The following CCDC102B variants were observed in gnomAD, a reference collection of about 807,000 sequenced individuals.
CCDC102B encodes coiled-coil domain-containing protein 102B.
Under a neutral mutation model 57.4 loss-of-function variants are expected in CCDC102B, and 75 were observed. The observed-to-expected ratio is 1.31, with a 90% confidence interval of 1.08 to 1.58. CCDC102B has a LOEUF of 1.58. Among genes scored for constraint, CCDC102B ranks in the 40% most tolerant of loss-of-function variants. The pLI is 0.00. For missense variants in CCDC102B, 636 were observed against 582.6 expected (o/e 1.09, Z -0.94); for synonymous variants, 206 against 201.9 (o/e 1.02, Z -0.17).
At chr18:68,943,410 T>C (rs1195522970) in intron 6 of CCDC102B, among the ~76,000 whole-genome samples, 1 of 152,148 alleles carries the variant, frequency 6.6e-6, no homozygotes, top group African/African-American at 2.4e-5. Context: ...ACTGGTCTAT[T>C]ATGGTACTTT....
At chr18:68,817,742 C>T (rs1304526361) in intron 1 of CCDC102B, among the ~76,000 whole-genome samples, 1 of 152,094 alleles carries the variant, frequency 6.6e-6, no homozygotes, top group Non-Finnish European at 1.5e-5. Context: ...ATTGATTACT[C>T]GGTCATGAGA....
intron 4 of CCDC102B, among the ~76,000 whole-genome samples, chr18:68,860,463 C>T (rs918920288): frequency 1.0e-5 from 1 of 97,280 alleles, no homozygotes; most frequent in Admixed American, 1.2e-4. Context: ...TAAAAAAAAA[C>T]AAAAACAAAA....
At chr18:68,765,180 T>C in intron 2 of CCDC102B, among the ~76,000 whole-genome samples, 1 of 149,232 alleles carries the variant, frequency 6.7e-6, no homozygotes, top group East Asian at 2.0e-4. Flanking sequence ...GCTATAATAG[T>C]GCCAACACAC....
At chr18:68,874,976 A>G in intron 5 of CCDC102B, 191 bp downstream of exon 5, 1 of 407,512 alleles carries the variant, frequency 2.5e-6, no homozygotes, top group Non-Finnish European at 4.5e-6. Flanking sequence ...CTAGATCTGA[A>G]CTATTTGAAT....
intron 1 of CCDC102B, among the ~76,000 whole-genome samples, chr18:68,805,404 G>A (rs560558019): frequency 6.6e-6 from 1 of 152,290 alleles, no homozygotes; most frequent in African/African-American, 2.4e-5. Flanking sequence ...CTGATCAAGA[G>A]TGTAGGTGCA....
intron 6 of CCDC102B, among the ~76,000 whole-genome samples, chr18:69,002,451 G>A (rs757900866): frequency 2.6e-5 from 4 of 152,082 alleles, no homozygotes; most frequent in Admixed American, 6.6e-5. Flanking sequence ...CAGGATGAGC[G>A]CCAAATGTTT....
rs551082568 is a variant in CCDC102B, at chr18:69,055,089, A to G, written c.*952A>G. On this transcript the variant is annotated 3_prime_UTR_variant, in exon 8 of 8. Coordinates refer to ENST00000360242, the MANE Select transcript of CCDC102B (RefSeq NM_024781.3). The stretch of plus-strand genomic sequence containing the variant: ...CAACTTGTAAGATTTAACTCAGTCA[A>G]TAACATACTGGTTTTACTCATCTCC... 10 of 983,298 alleles carry G rather than the reference A, an allele frequency of 1.0e-5. No homozygotes were observed. The African/African-American group carries it at 1.2e-4, about 12-fold the overall frequency. 60.9% of individuals were successfully genotyped at this position (983,298 alleles called of 1,614,324 possible).
At chr18:68,999,026 A>AAG (rs2051126157) in intron 6 of CCDC102B, among the ~76,000 whole-genome samples, 1 of 143,316 alleles carries the variant, frequency 7.0e-6, no homozygotes, top group African/African-American at 2.7e-5. Flanking sequence ...AGAGAGAGAG[A>AAG]GAGAGAGAGA....
At chr18:68,837,849 G>C (rs963892433) in intron 2 of CCDC102B, among the ~76,000 whole-genome samples, 10 of 152,086 alleles carry the variant, frequency 6.6e-5, no homozygotes, top group African/African-American at 2.2e-4. Flanking sequence ...AATACTTTCC[G>C]TGAACAACAC....
chr18:69,049,656 C>A (rs2052654881), intron 7 of CCDC102B, among the ~76,000 whole-genome samples: 1 of 152,118 alleles, frequency 6.6e-6, no homozygotes, highest in South Asian at 2.1e-4. Context: ...AAATAAAACA[C>A]TTCTTAAAAT....
At chr18:69,048,319 A>G (rs2052617170) in intron 7 of CCDC102B, among the ~76,000 whole-genome samples, 1 of 152,110 alleles carries the variant, frequency 6.6e-6, no homozygotes, top group South Asian at 2.1e-4. Flanking sequence ...CTATTAGCCT[A>G]TTACATTATT....
At chr18:69,022,888 C>G (rs1206537806) in intron 7 of CCDC102B, among the ~76,000 whole-genome samples, 1 of 151,364 alleles carries the variant, frequency 6.6e-6, no homozygotes, top group Non-Finnish European at 1.5e-5. Flanking sequence ...GTCTTTGTTT[C>G]ACTGTTGTCT....
intron 1 of CCDC102B, among the ~76,000 whole-genome samples, chr18:68,827,186 T>C (rs1599525191): frequency 6.6e-6 from 1 of 152,004 alleles, no homozygotes; most frequent in Non-Finnish European, 1.5e-5. Flanking sequence ...GGAAATTCTA[T>C]AAACAGAAAC....
At chr18:68,752,019 T>C (rs2033870371) in intron 2 of CCDC102B, among the ~76,000 whole-genome samples, 2 of 152,172 alleles carry the variant, frequency 1.3e-5, no homozygotes, top group Admixed American at 1.3e-4. Flanking sequence ...CCCAGCACTT[T>C]GGGAGGCCAA....
rs1222864158 is a variant in CCDC102B, at chr18:68,846,374, T to G, written c.889T>G (p.Trp297Gly). 1 of 1,591,474 alleles carries G rather than the reference T, an allele frequency of 6.3e-7. No individual in the cohort carries two copies. The highest frequency in any genetic ancestry group is 1.8e-5 in the Admixed American group (1 of 55,796). Reference sequence around the variant, plus strand: ...GGAGTCGGCTTTGTCTCTGTGGAAGTGGAAGTATGAAGAACTGAAAGAATC... The same window carrying G: ...GGAGTCGGCTTTGTCTCTGTGGAAGGGGAAGTATGAAGAACTGAAAGAATC... The part of the protein sequence containing the change: ...RLESALSLWK[W>G]KYEELKESKP... The change falls in exon 4 of 8, where the codon TGG becomes GGG. Residue 297 changes from tryptophan (W) to glycine (G), a missense_variant. Physicochemically the swap from Trp to Gly is radical, Grantham distance 184. Coordinates refer to ENST00000360242, the MANE Select transcript of CCDC102B (RefSeq NM_024781.3).
intron 6 of CCDC102B, among the ~76,000 whole-genome samples, chr18:68,937,916 G>A (rs947186287): frequency 2.0e-5 from 3 of 152,024 alleles, no homozygotes; most frequent in African/African-American, 7.2e-5. Flanking sequence ...CTTCATCCAT[G>A]TCTCTGGAAA....
chr18:68,824,594 G>C (rs1454361405), intron 1 of CCDC102B, among the ~76,000 whole-genome samples: 1 of 151,984 alleles, frequency 6.6e-6, no homozygotes, highest in African/African-American at 2.4e-5. Flanking sequence ...GTTCTCAAGG[G>C]GAATGGTTTC....
chr18:68,888,177 A>G (rs950017559), intron 5 of CCDC102B, among the ~76,000 whole-genome samples: 1 of 152,204 alleles, frequency 6.6e-6, no homozygotes, highest in Non-Finnish European at 1.5e-5. Flanking sequence ...AACATATTGC[A>G]ATAGTAGCCT....
intron 6 of CCDC102B, among the ~76,000 whole-genome samples, chr18:68,962,434 A>G (rs2050068624): frequency 1.3e-5 from 2 of 151,824 alleles, no homozygotes; most frequent in Non-Finnish European, 2.9e-5. Context: ...GTACAGTAAT[A>G]CTCTCCTTCA....
Sources: allele counts gnomAD v4.1 joint callset (sites outside exome capture counted in the v4.1 genomes callset), GRCh38; gene constraint gnomAD v4.1.1; transcripts MANE v1.5; gene names NCBI Gene and HGNC (gene_info 2026-07-23, HGNC 2026-07-21).